Variants in LGR4 observed in about 807,000 individuals in gnomAD.
LGR4 encodes leucine-rich repeat-containing G protein-coupled receptor 4.
A neutral mutation model predicts 84.8 loss-of-function variants in LGR4; 44 were observed. The observed-to-expected ratio is 0.52, with a 90% CI of 0.41 to 0.67. The LOEUF is 0.67. LGR4 is among the 30% of genes least tolerant of loss of function. LGR4 has a pLI of 0.00. For missense variants in LGR4, 1,032 were observed against 1,131.4 expected (o/e 0.91, Z 1.26); for synonymous variants, 429 against 434.3 (o/e 0.99, Z 0.15).
In LGR4 at chr11:27,384,416, G is replaced by A. The variant is rs747288850; in HGVS notation, c.618-9C>T. ...TATTGTTATGAAGATGCCTAAGGGG[G>A]AAAAAAAGCATAAAATGACTTTTCC... On this transcript the variant is annotated splice_polypyrimidine_tract_variant and intron_variant, in intron 5 of 17. Coordinates refer to ENST00000379214, the MANE Select transcript of LGR4 (RefSeq NM_018490.5). 8.2e-6 allele frequency: 13 copies of A among 1,591,900 alleles called. No individual in the cohort carries two copies. In the South Asian group the frequency reaches 1.2e-4, roughly 15 times the overall value.
At chr11:27,470,752 C>A (rs549176775) in intron 1 of LGR4, among the ~76,000 whole-genome samples, 30 of 149,602 alleles carry the variant, frequency 2.0e-4, no homozygotes, top group Non-Finnish European at 3.5e-4. Context: ...CTAAAACTAA[C>A]CTGAGACAGG....
chr11:27,469,367 A>C (rs1864831298), intron 1 of LGR4, among the ~76,000 whole-genome samples: 1 of 152,182 alleles, frequency 6.6e-6, no homozygotes. Flanking sequence ...GCTGAGAATG[A>C]ATCTGAAAAT....
At position 27,378,740 on chromosome 11, in the gene LGR4, T is replaced by C; in HGVS notation, c.1000A>G (p.Ile334Val). ...TGTTCTTGACACAAATTATTAGGTA[T>C]GCTGCTTATCTTTGTACCTGTCAAA... ...LTLTGTKISS[I>V]PNNLCQEQKM... The change falls in exon 11 of 18, where the codon ATA becomes GTA. Residue 334 changes from isoleucine to valine, a missense_variant. By Grantham distance (29) the Ile-to-Val change is conservative. Transcript: ENST00000379214. The C allele has an allele frequency of 6.2e-7, 1 of 1,612,464 alleles. No individual in the cohort carries two copies. Among genetic ancestry groups the C allele is most frequent in the Non-Finnish European group, 8.5e-7 (1 of 1,179,088 alleles).
chr11:27,425,269 A>C (rs1388692229), intron 1 of LGR4, among the ~76,000 whole-genome samples: 1 of 152,138 alleles, frequency 6.6e-6, no homozygotes, highest in African/African-American at 2.4e-5. Flanking sequence ...GGTGACAACA[A>C]TAATATATTC....
intron 6 of LGR4, among the ~76,000 whole-genome samples, chr11:27,383,896 T>C (rs757115893): frequency 2.2e-4 from 33 of 152,312 alleles, no homozygotes; most frequent in Middle Eastern, 6.8e-3. Context: ...AAAAGTATCA[T>C]AGCAGAATAT....
chr11:27,391,294 G>A, intron 3 of LGR4, 129 bp from the exon 4 acceptor site: 1 of 564,950 alleles, frequency 1.8e-6, no homozygotes, highest in African/African-American at 1.9e-5. Flanking sequence ...AGGTGGAGGT[G>A]GAAAGCATCT....
At chr11:27,405,953 C>T (rs551448668) in intron 2 of LGR4, among the ~76,000 whole-genome samples, 1 of 152,164 alleles carries the variant, frequency 6.6e-6, no homozygotes, top group Admixed American at 6.5e-5. Context: ...AAGAGTCACT[C>T]AAGAGTTTAA....
chr11:27,472,092 C>G (rs779520898), intron 1 of LGR4, 26 bp downstream of exon 1: 41 of 1,216,484 alleles, frequency 3.4e-5, no homozygotes, highest in African/African-American at 2.4e-4. Flanking sequence ...CTCCCCCCCC[C>G]TCGCGTCCCC....
chr11:27,440,117 G>A (rs966530039), intron 1 of LGR4, among the ~76,000 whole-genome samples: 1 of 152,066 alleles, frequency 6.6e-6, no homozygotes, highest in African/African-American at 2.4e-5. Context: ...TGTTGGCCAG[G>A]ATGGTCTTGA....
chr11:27,451,297 T>C (rs1459381801), intron 1 of LGR4, among the ~76,000 whole-genome samples: 3 of 152,224 alleles, frequency 2.0e-5, no homozygotes, highest in Middle Eastern at 3.4e-3. Flanking sequence ...CAGACATCAC[T>C]TAAGAACTGA....
At chr11:27,432,677 T>C (rs1026348285) in intron 1 of LGR4, among the ~76,000 whole-genome samples, 1 of 152,198 alleles carries the variant, frequency 6.6e-6, no homozygotes, top group South Asian at 2.1e-4. Context: ...GCCTAAGATC[T>C]TACAGAGGAC....
At chr11:27,421,406 A>G (rs985828183) in intron 1 of LGR4, among the ~76,000 whole-genome samples, 1 of 152,170 alleles carries the variant, frequency 6.6e-6, no homozygotes, top group African/African-American at 2.4e-5. Context: ...GAATTACAAG[A>G]GTTCAGCAAT....
intron 1 of LGR4, among the ~76,000 whole-genome samples, chr11:27,458,295 C>A (rs1483037849): frequency 6.6e-6 from 1 of 151,900 alleles, no homozygotes; most frequent in Non-Finnish European, 1.5e-5. Context: ...AGTGAGGAAA[C>A]CAAGGTAGAA....
chr11:27,463,717 C>T (rs911727697), intron 1 of LGR4, among the ~76,000 whole-genome samples: 2 of 151,916 alleles, frequency 1.3e-5, no homozygotes, highest in East Asian at 2.0e-4. Flanking sequence ...ACCCAGGAGG[C>T]GGAGGTTGCA....
chr11:27,466,560 A>C (rs1284928139), intron 1 of LGR4, among the ~76,000 whole-genome samples: 1 of 152,214 alleles, frequency 6.6e-6, no homozygotes, highest in African/African-American at 2.4e-5. Context: ...AATATGCCTA[A>C]ACTTGCCTGG....
intron 1 of LGR4, among the ~76,000 whole-genome samples, chr11:27,451,112 TAAAAC>T (rs925820047): frequency 6.6e-6 from 1 of 152,340 alleles, no homozygotes; most frequent in African/African-American, 2.4e-5. Flanking sequence ...TTTCAATACT[TAAAAC>T]TAAAGTTTAA....
At chr11:27,412,525 T>C (rs1863730534) in intron 2 of LGR4, among the ~76,000 whole-genome samples, 1 of 152,154 alleles carries the variant, frequency 6.6e-6, no homozygotes, top group African/African-American at 2.4e-5. Context: ...GCAGCATTTG[T>C]AGTTATAATA....
intron 1 of LGR4, among the ~76,000 whole-genome samples, chr11:27,445,944 A>C (rs545185169): frequency 3.3e-5 from 5 of 152,316 alleles, no homozygotes; most frequent in African/African-American, 9.6e-5. Context: ...TGGCTAAGCA[A>C]GTTAATTAAT....
intron 1 of LGR4, among the ~76,000 whole-genome samples, chr11:27,460,510 G>A (rs1277427753): frequency 6.6e-6 from 1 of 152,178 alleles, no homozygotes; most frequent in African/African-American, 2.4e-5. Context: ...TACATGATTA[G>A]GTGGAAAACC....
Sources: gnomAD v4.1 joint callset for allele counts (sites outside exome capture counted in the v4.1 genomes callset) on GRCh38, gnomAD v4.1.1 for gene constraint, MANE v1.5 for transcripts, NCBI Gene and HGNC (gene_info 2026-07-23, HGNC 2026-07-21) for gene names.